The following PDE6B variants were observed in gnomAD, a reference collection of about 807,000 sequenced individuals.
PDE6B encodes the protein phosphodiesterase 6B.
In PDE6B, 106 loss-of-function variants were observed where a neutral mutation model predicts 109.0. The observed-to-expected ratio is 0.97, with a 90% CI of 0.83 to 1.14. The LOEUF is 1.14. Ranked by LOEUF, PDE6B falls within the 50% of genes most tolerant of loss-of-function variation. PDE6B has a pLI of 0.00. For missense variants in PDE6B, 1,193 were observed against 1,155.6 expected, an observed-to-expected ratio of 1.03 and a Z score of -0.47; for synonymous variants, 490 against 471.3, an observed-to-expected ratio of 1.04 and a Z score of -0.51.
At chr4:629,933 C>G (rs1181837277) in intron 1 of PDE6B, among the ~76,000 whole-genome samples, 1 of 152,104 alleles carries the variant, frequency 6.6e-6, no homozygotes, top group East Asian at 1.9e-4. Context: ...TTCCCAGGAG[C>G]CTGAGAGTCC....
At position 634,726 on chromosome 4, in the gene PDE6B, A is replaced by G; in HGVS notation, c.518A>G (p.Lys173Arg). 1 of 1,612,866 alleles carries G rather than the reference A, an allele frequency of 6.2e-7. No individual in the cohort carries two copies. Among genetic ancestry groups the G allele is most frequent in the Non-Finnish European group, 8.5e-7 (1 of 1,178,826 alleles). ...GACGAGCTCACTGACTACAAGACAAAGAATATGCTGGCCACACCCATCATG... is the reference window on the plus strand; with the variant it reads ...GACGAGCTCACTGACTACAAGACAAGGAATATGCTGGCCACACCCATCATG... The part of the protein sequence containing the change: ...FADELTDYKT[K>R]NMLATPIMNG... Residue 173 changes from lysine (K) to arginine (R), a missense_variant, in exon 2 of 22, where the codon AAG becomes AGG. Lys to Arg is a conservative substitution (Grantham distance 26, BLOSUM62 2). Transcript: ENST00000496514.
In PDE6B at chr4:658,803, T is replaced by C. The variant is rs190159296; in HGVS notation, c.1402-149T>C. The C allele has an allele frequency of 1.2e-5, 8 of 687,350 alleles. No homozygotes were observed. In the East Asian group the frequency reaches 2.2e-4, roughly 19 times the overall value. 42.6% of individuals were successfully genotyped at this position (687,350 alleles called of 1,614,324 possible). ...CAGGCCATGCACACGGTCATTTGTC[T>C]CCAGATCAGAGGCCGCCAGGGCCTT... is the stretch of plus-strand genomic sequence containing the variant. On this transcript the variant is annotated intron_variant, in intron 10 of 21. Transcript: ENST00000496514.
Position 666,524 on chromosome 4 carries a change from C to T in PDE6B, c.2269-7C>T, listed in dbSNP as rs1268705787. The T allele has an allele frequency of 6.2e-7, 1 of 1,606,676 alleles. No homozygotes were observed. The highest frequency in any genetic ancestry group is 8.5e-7 in the Non-Finnish European group (1 of 1,173,622). ...ACTGTTCTCCCGCCCTCTGTTCCTC[C>T]CACCAGCCTATGATGGACCGGAACA... On this transcript the variant is annotated splice_region_variant and splice_polypyrimidine_tract_variant and intron_variant, in intron 19 of 21. Coordinates refer to ENST00000496514, the MANE Select transcript of PDE6B (RefSeq NM_000283.4). The surrounding 1 kb of genome is among the most constrained non-coding windows in gnomAD (Gnocchi z 5.6).
intron 6 of PDE6B, 142 bp downstream of exon 6, chr4:655,030 C>G (rs150492643): frequency 1.3e-5 from 9 of 703,556 alleles, no homozygotes; most frequent in Non-Finnish European, 2.1e-5. Context: ...CTGTGGTGCT[C>G]TGTGTGCCGT....
At position 626,823 on chromosome 4, in the gene PDE6B, G is replaced by C. The variant is rs557124998; in HGVS notation, c.468+729G>C. Among the ~76,000 whole-genome samples, 2 of 152,334 alleles carry C rather than the reference G, an allele frequency of 1.3e-5. No individual in the cohort carries two copies. Among genetic ancestry groups the C allele is most frequent in the East Asian group, 1.9e-4 (1 of 5,180 alleles). Reference sequence around the variant, plus strand: ...CAGAGGCGGTCCTGGCGGGACTGGAGAACAAGAGGGGTGTGAGGTGCCTGC... The same window carrying C: ...CAGAGGCGGTCCTGGCGGGACTGGACAACAAGAGGGGTGTGAGGTGCCTGC... On this transcript the variant is annotated intron_variant, in intron 1 of 21. Coordinates refer to ENST00000496514, the MANE Select transcript of PDE6B (RefSeq NM_000283.4). The surrounding 1 kb of genome is among the most constrained non-coding windows in gnomAD (Gnocchi z 4.6).
chr4:651,335 G>A (rs896397856), intron 3 of PDE6B, among the ~76,000 whole-genome samples: 1 of 152,116 alleles, frequency 6.6e-6, no homozygotes, highest in Non-Finnish European at 1.5e-5. Flanking sequence ...AATGGGGAGT[G>A]GGGGCCCCAG....
At position 662,530 on chromosome 4, in the gene PDE6B, T is replaced by C. The variant is rs1737229618; in HGVS notation, c.1744T>C (p.Tyr582His). The stretch of plus-strand genomic sequence containing the variant: ...ACAGACCGGCAAACTGAAGAGCTAC[T>C]ACACGGACCTGGAGGCCTTCGCCAT... ...LLMTGKLKSYYTDLEAFAMVT... is the reference protein window; with the variant it reads ...LLMTGKLKSYHTDLEAFAMVT... The change falls in exon 14 of 22, where the codon TAC (tyrosine) becomes CAC (histidine). Residue 582 changes from tyrosine to histidine, a missense_variant. Transcript: ENST00000496514. This position sits in a 1 kb window ranked among gnomAD's most constrained non-coding sequence, Gnocchi z 4.3. The C allele has an allele frequency of 6.2e-7, 1 of 1,612,454 alleles. No individual in the cohort carries two copies. Among genetic ancestry groups the C allele is most frequent in the Non-Finnish European group, 8.5e-7 (1 of 1,179,256 alleles).
intron 1 of PDE6B, among the ~76,000 whole-genome samples, chr4:630,744 C>T (rs189129649): frequency 5.9e-5 from 9 of 152,330 alleles, no homozygotes; most frequent in East Asian, 1.9e-4. Flanking sequence ...GCCCCAATTC[C>T]GGCTGCCTGC....
chr4:666,239 C>G lies in PDE6B; in HGVS notation c.2269-292C>G, dbSNP rs1484014648. 1.3e-5 allele frequency among the ~76,000 whole-genome samples: 2 copies of G among 152,204 alleles called. No homozygotes were observed. Among genetic ancestry groups the G allele is most frequent in the African/African-American group, 4.8e-5 (2 of 41,452 alleles). On this transcript the variant is annotated intron_variant, in intron 19 of 21. Coordinates refer to ENST00000496514, the MANE Select transcript of PDE6B (RefSeq NM_000283.4). This position sits in a 1 kb window ranked among gnomAD's most constrained non-coding sequence, Gnocchi z 5.6. ...AGCCCATCCCCCTCCCCGCCTCTCCCCAGCTGCAGTAAGGGTCCCCAGAGC... is the reference window on the plus strand; with the variant it reads ...AGCCCATCCCCCTCCCCGCCTCTCCGCAGCTGCAGTAAGGGTCCCCAGAGC...
At chr4:638,972 C>G (rs1734819765) in intron 3 of PDE6B, among the ~76,000 whole-genome samples, 1 of 152,206 alleles carries the variant, frequency 6.6e-6, no homozygotes, top group Non-Finnish European at 1.5e-5. Context: ...GCCCAACCCT[C>G]TGTTCCCTCC....
intron 3 of PDE6B, among the ~76,000 whole-genome samples, chr4:650,511 C>T (rs1453452327): frequency 6.6e-6 from 1 of 152,214 alleles, no homozygotes; most frequent in Non-Finnish European, 1.5e-5. Flanking sequence ...ATGCCAGGGA[C>T]ACCTGCGTGG....
rs1186285867 is a variant in PDE6B, at chr4:655,520, G to A, written c.993-420G>A. The A allele has an allele frequency of 1.4e-5, 5 of 349,306 alleles. No individual in the cohort carries two copies. In the Admixed American group the frequency reaches 1.6e-4, roughly 11 times the overall value. 21.6% of individuals were successfully genotyped at this position (349,306 alleles called of 1,614,324 possible). A position where few individuals can be genotyped will look rare whatever the true frequency, so the allele number is the denominator to read the frequency against. The stretch of plus-strand genomic sequence containing the variant: ...CCTAGAAAGCAGGCTGAAGCCATAC[G>A]GCCTCCGGAGAGGGAGGGGTTCCCA... On this transcript the variant is annotated intron_variant, in intron 6 of 21. Transcript: ENST00000496514.
In PDE6B at chr4:648,684, C is replaced by G. The variant is rs1454724000; in HGVS notation, c.712-5168C>G. 1.3e-5 allele frequency among the ~76,000 whole-genome samples: 2 copies of G among 152,234 alleles called. No homozygotes were observed. The highest frequency in any genetic ancestry group is 2.9e-5 in the Non-Finnish European group (2 of 68,050). On this transcript the variant is annotated intron_variant, in intron 3 of 21. Coordinates refer to ENST00000496514, the MANE Select transcript of PDE6B (RefSeq NM_000283.4). The surrounding 1 kb of genome is among the most constrained non-coding windows in gnomAD (Gnocchi z 4.5). ...CAGGAAAGCCATGGGTTAGGCCCTA[C>G]AGAGCTCAGGTTTCTCTCTGACCTG...
intron 17 of PDE6B, among the ~76,000 whole-genome samples, chr4:664,508 A>G (rs896466271): frequency 6.6e-6 from 1 of 152,110 alleles, no homozygotes; most frequent in Non-Finnish European, 1.5e-5. Context: ...ATGGTGATTC[A>G]CAACCAGCCC....
chr4:653,710 C>A, intron 3 of PDE6B, 142 bp from the exon 4 acceptor site: 2 of 938,650 alleles, frequency 2.1e-6, no homozygotes, highest in Non-Finnish European at 3.3e-6. Flanking sequence ...CAATCAGGGT[C>A]TGTGCCAGGC....
At chr4:655,126 G>A (rs1290932778) in intron 6 of PDE6B, 5 of 577,096 alleles carry the variant, frequency 8.7e-6, no homozygotes, top group East Asian at 5.8e-5. Flanking sequence ...TGAGGAGCCC[G>A]AGTCACTGTG....
intron 3 of PDE6B, among the ~76,000 whole-genome samples, chr4:646,618 T>TGCTCCGCTCGCTCC (rs1560110829): frequency 6.6e-6 from 1 of 152,080 alleles, no homozygotes; most frequent in East Asian, 1.9e-4. Flanking sequence ...TTTGTCTCTC[T>TGCTCCGCTCGCTCC]GCTCCGCTCG....
At chr4:658,698 G>A (rs888528438) in intron 10 of PDE6B, among the ~76,000 whole-genome samples, 1 of 152,110 alleles carries the variant, frequency 6.6e-6, no homozygotes, top group African/African-American at 2.4e-5. Context: ...GAGCCCTCCT[G>A]GTCATCATGA....
Position 663,653 on chromosome 4 carries a change from AG to A in PDE6B, c.1921-114del, listed in dbSNP as rs909957035. 5.3e-6 allele frequency: 4 copies of A among 754,160 alleles called. No homozygotes were observed. In the African/African-American group the frequency reaches 6.9e-5, roughly 13 times the overall value. 46.7% of individuals were successfully genotyped at this position (754,160 alleles called of 1,614,324 possible). A position where few individuals can be genotyped will look rare whatever the true frequency, so the allele number is the denominator to read the frequency against. Reference sequence around the variant, plus strand: ...GGCGGATTAGGGGTCCCGCCCACCGAGGGCCCGAGGGCGGGGGCGTGAGAGG... The same window carrying A: ...GGCGGATTAGGGGTCCCGCCCACCGAGGCCCGAGGGCGGGGGCGTGAGAGG... On this transcript the variant is annotated intron_variant, in intron 15 of 21. Transcript: ENST00000496514. The surrounding 1 kb of genome is among the most constrained non-coding windows in gnomAD (Gnocchi z 4.0).
Sources: allele counts gnomAD v4.1 joint callset (sites outside exome capture counted in the v4.1 genomes callset), GRCh38; gene constraint gnomAD v4.1.1; non-coding constraint Gnocchi (gnomAD v3.1); transcripts MANE v1.5; gene names NCBI Gene and HGNC (gene_info 2026-07-23, HGNC 2026-07-21).